CYYR1: variants seen among roughly 807,000 people sequenced by gnomAD.
CYYR1 encodes the protein cysteine and tyrosine rich 1.
A neutral mutation model predicts 15.2 loss-of-function variants in CYYR1; 14 were observed. The ratio of observed to expected loss-of-function variants is 0.92; its 90% CI spans 0.61 to 1.44. The LOEUF is 1.44. CYYR1 is among the 40% of genes most tolerant of loss of function. The pLI is 0.00. For missense variants in CYYR1, 228 were observed against 209.5 expected (o/e 1.09, Z -0.54); for synonymous variants, 80 against 77.4 (o/e 1.03, Z -0.18).
At chr21:26,543,855 G>A (rs938527571) in intron 2 of CYYR1, among the ~76,000 whole-genome samples, 2 of 152,012 alleles carry the variant, frequency 1.3e-5, no homozygotes, top group Admixed American at 1.3e-4. Flanking sequence ...GCAGTGAACC[G>A]AAATCACGGC....
At chr21:26,489,017 A>G (rs1179356965) in intron 2 of CYYR1, among the ~76,000 whole-genome samples, 2 of 152,208 alleles carry the variant, frequency 1.3e-5, no homozygotes, top group African/African-American at 4.8e-5. Flanking sequence ...AAATTGCTAT[A>G]CAGTTTAAAC....
At chr21:26,518,375 A>G (rs994535235) in intron 2 of CYYR1, 1 of 152,250 alleles carries the variant, frequency 6.6e-6, no homozygotes, top group Non-Finnish European at 1.5e-5. Context: ...CTGCCCTGAT[A>G]AATGAATTAA....
intron 2 of CYYR1, among the ~76,000 whole-genome samples, chr21:26,514,545 C>A (rs936662284): frequency 2.6e-5 from 4 of 152,220 alleles, no homozygotes; most frequent in African/African-American, 7.2e-5. Context: ...GCCTGCAGAA[C>A]CATGAGCCAA....
chr21:26,548,760 A>G (rs998501011), intron 2 of CYYR1, among the ~76,000 whole-genome samples: 2 of 152,194 alleles, frequency 1.3e-5, no homozygotes, highest in African/African-American at 4.8e-5. Flanking sequence ...TACCCACTGG[A>G]TCTGAATTTC....
intron 2 of CYYR1, chr21:26,506,632 G>C (rs550008320): frequency 1.1e-4 from 16 of 152,318 alleles, no homozygotes; most frequent in South Asian, 2.1e-4. Flanking sequence ...AGATCTCCAT[G>C]TGTTTCCATC....
intron 3 of CYYR1, among the ~76,000 whole-genome samples, chr21:26,478,570 C>A (rs759755195): frequency 2.2e-4 from 34 of 152,270 alleles, no homozygotes; most frequent in African/African-American, 8.2e-4. Context: ...AAGAACCACA[C>A]GCTTTAATGC....
At position 26,532,002 on chromosome 21, in the gene CYYR1, A is replaced by AT. The variant is rs550913176; in HGVS notation, c.176+34263dup. On this transcript the variant is annotated intron_variant, in intron 2 of 3. Coordinates refer to ENST00000652641, the MANE Select transcript of CYYR1 (RefSeq NM_001320768.2). ...CTCTGGCCTGCAACTAAGTTCAGTG[A>AT]TGATGATGAACAAGGTGGTGACTTT... 7.2e-5 allele frequency among the ~76,000 whole-genome samples: 11 copies of AT among 152,246 alleles called. No individual in the cohort carries two copies. The South Asian group carries it at 2.3e-3, about 32-fold the overall frequency.
intron 2 of CYYR1, among the ~76,000 whole-genome samples, chr21:26,491,467 G>A (rs907762907): frequency 1.2e-4 from 19 of 152,220 alleles, no homozygotes; most frequent in African/African-American, 2.2e-4. Flanking sequence ...GATTGAATGC[G>A]ATATGAAAAT....
At chr21:26,485,982 C>A (rs1344184879) in intron 2 of CYYR1, among the ~76,000 whole-genome samples, 1 of 152,054 alleles carries the variant, frequency 6.6e-6, no homozygotes, top group African/African-American at 2.4e-5. Flanking sequence ...ACGGATAAAG[C>A]ATTAAGTGTA....
chr21:26,502,857 A>G lies in CYYR1; in HGVS notation c.177-22428T>C, dbSNP rs904267967. Among the ~76,000 whole-genome samples the G allele has an allele frequency of 2.6e-5, 4 of 152,314 alleles. No individual in the cohort carries two copies. The East Asian group carries it at 7.7e-4, about 29-fold the overall frequency. ...GTGAAACAGGTGGTAGTCTGCTCTC[A>G]TAGATGAATATTTCTGTGATGAATT... On this transcript the variant is annotated intron_variant, in intron 2 of 3. Coordinates refer to ENST00000652641, the MANE Select transcript of CYYR1 (RefSeq NM_001320768.2).
chr21:26,542,290 CGT>C (rs55725152), intron 2 of CYYR1, among the ~76,000 whole-genome samples: 2,704 of 128,026 alleles, frequency 0.021, 48 homozygotes, highest in African/African-American at 0.052. Context: ...TGTGTGTGTG[CGT>C]GTGTGTGTGT....
At chr21:26,475,706 C>A (rs542425913) in intron 3 of CYYR1, among the ~76,000 whole-genome samples, 1 of 152,246 alleles carries the variant, frequency 6.6e-6, no homozygotes, top group South Asian at 2.1e-4. Context: ...TCATCATACC[C>A]ATAAATTTTG....
chr21:26,484,097 C>T (rs993016171), intron 2 of CYYR1, among the ~76,000 whole-genome samples: 13 of 152,092 alleles, frequency 8.5e-5, no homozygotes, highest in South Asian at 2.1e-4. Flanking sequence ...ACATACACTA[C>T]GCATTGTGAA....
At chr21:26,485,520 T>A (rs2065238153) in intron 2 of CYYR1, among the ~76,000 whole-genome samples, 1 of 152,116 alleles carries the variant, frequency 6.6e-6, no homozygotes, top group South Asian at 2.1e-4. Context: ...ATCAGCAATC[T>A]GTTCTCCGTT....
At chr21:26,473,245 C>CA (rs757241182) in intron 3 of CYYR1, among the ~76,000 whole-genome samples, 1 of 152,066 alleles carries the variant, frequency 6.6e-6, no homozygotes, top group Non-Finnish European at 1.5e-5. Context: ...TACTCTCCCC[C>CA]AAACCCCACT....
chr21:26,525,116 G>T (rs1007668660), intron 2 of CYYR1, among the ~76,000 whole-genome samples: 1 of 152,122 alleles, frequency 6.6e-6, no homozygotes, highest in Non-Finnish European at 1.5e-5. Flanking sequence ...CAATTAAAAA[G>T]ATTTCAGTGC....
chr21:26,487,453 A>G (rs901043317), intron 2 of CYYR1, among the ~76,000 whole-genome samples: 1 of 152,102 alleles, frequency 6.6e-6, no homozygotes, highest in Non-Finnish European at 1.5e-5. Context: ...ATGAGAATAA[A>G]TCTTGGCAAA....
chr21:26,467,238 TA>T lies in CYYR1; in HGVS notation c.*1262del, dbSNP rs1263268029. On this transcript the variant is annotated 3_prime_UTR_variant, in exon 4 of 4. Coordinates refer to ENST00000652641, the MANE Select transcript of CYYR1 (RefSeq NM_001320768.2). ...ACATGAAACAATTCATATAAAAATA[TA>T]AATGTTAAGGTCACTCACAGCAAAA... 1 of 152,174 alleles carries T rather than the reference TA, an allele frequency of 6.6e-6. No homozygotes were observed. The highest frequency in any genetic ancestry group is 1.5e-5 in the Non-Finnish European group (1 of 68,016). 9.4% of individuals were successfully genotyped at this position (152,174 alleles called of 1,614,324 possible). A position where few individuals can be genotyped will look rare whatever the true frequency, so the allele number is the denominator to read the frequency against.
intron 1 of CYYR1, among the ~76,000 whole-genome samples, chr21:26,569,595 G>A (rs991869246): frequency 6.6e-6 from 1 of 152,126 alleles, no homozygotes; most frequent in Non-Finnish European, 1.5e-5. Context: ...TAAAATTAAA[G>A]AAGTTGAAAT....
Sources: gnomAD v4.1 joint callset for allele counts (sites outside exome capture counted in the v4.1 genomes callset) on GRCh38, gnomAD v4.1.1 for gene constraint, MANE v1.5 for transcripts, NCBI Gene and HGNC (gene_info 2026-07-23, HGNC 2026-07-21) for gene names.